Variants in GLIS3 observed in about 807,000 individuals in gnomAD.
GLIS3 encodes zinc finger protein GLIS3.
GLIS3 carries 53 observed loss-of-function variants against 78.6 expected under a neutral mutation model. That is an observed-to-expected ratio of 0.67 (90% confidence interval 0.54 to 0.85). GLIS3 has a LOEUF of 0.85. GLIS3 is among the 40% of genes least tolerant of loss of function. The pLI, the probability that GLIS3 is intolerant of heterozygous loss-of-function variation, is 0.00. For missense variants in GLIS3, 1,703 were observed against 1,231.1 expected, an observed-to-expected ratio of 1.38 and a Z score of -5.74; for synonymous variants, 684 against 509.9, an observed-to-expected ratio of 1.34 and a Z score of -4.60.
intron 2 of GLIS3, among the ~76,000 whole-genome samples, chr9:4,151,303 T>A (rs1834659243): frequency 2.0e-5 from 3 of 152,214 alleles, no homozygotes; most frequent in African/African-American, 7.2e-5. Context: ...TTGTTACATT[T>A]TTAAAAAGAG....
intron 2 of GLIS3, among the ~76,000 whole-genome samples, chr9:4,285,082 G>A (rs560979215): frequency 6.6e-6 from 1 of 152,136 alleles, no homozygotes; most frequent in Non-Finnish European, 1.5e-5. Context: ...TTAACTGAAT[G>A]ACTGGCTATT....
intron 2 of GLIS3, among the ~76,000 whole-genome samples, chr9:4,223,861 A>G (rs751413727): frequency 6.3e-4 from 96 of 152,198 alleles, no homozygotes; most frequent in Non-Finnish European, 1.8e-4. Flanking sequence ...CGGGAATTCT[A>G]CATGTGAAGA....
chr9:4,245,983 G>A (rs781515508), intron 2 of GLIS3, among the ~76,000 whole-genome samples: 7 of 151,916 alleles, frequency 4.6e-5, no homozygotes, highest in Non-Finnish European at 1.0e-4. Flanking sequence ...AGTAATTCTC[G>A]GCTGTGTTTC....
the GLIS3 span, among the ~76,000 whole-genome samples, chr9:4,392,474 C>A: frequency 6.6e-6 from 1 of 152,104 alleles, no homozygotes; most frequent in Non-Finnish European, 1.5e-5. Flanking sequence ...CTAGGTAGAA[C>A]CTGCCTCCTC....
chr9:4,362,788 T>C, the GLIS3 span, among the ~76,000 whole-genome samples: 1 of 152,196 alleles, frequency 6.6e-6, no homozygotes, highest in Non-Finnish European at 1.5e-5. Flanking sequence ...GAGCAAACTC[T>C]GCAGGACCTA....
chr9:4,398,678 T>G, the GLIS3 span, among the ~76,000 whole-genome samples: 118 of 150,798 alleles, frequency 7.8e-4, 1 homozygote, highest in African/African-American at 2.9e-3. Flanking sequence ...TTGCTTAAGC[T>G]CTTTTGTTGT....
At chr9:4,166,368 C>G (rs777945625) in intron 2 of GLIS3, among the ~76,000 whole-genome samples, 1 of 152,202 alleles carries the variant, frequency 6.6e-6, no homozygotes, top group South Asian at 2.1e-4. Flanking sequence ...GGCCAAGAAC[C>G]AGTAAGGACA....
chr9:4,073,196 C>T (rs1196615243), intron 4 of GLIS3, among the ~76,000 whole-genome samples: 3 of 152,234 alleles, frequency 2.0e-5, no homozygotes, highest in East Asian at 3.9e-4. Flanking sequence ...GATACATTCA[C>T]CTGCCACAAT....
chr9:4,205,046 C>A (rs1356916060), intron 2 of GLIS3, among the ~76,000 whole-genome samples: 2 of 149,210 alleles, frequency 1.3e-5, no homozygotes, highest in African/African-American at 5.0e-5. Flanking sequence ...CGTGGTGGTT[C>A]ACACCTGTAA....
the GLIS3 span, among the ~76,000 whole-genome samples, chr9:4,360,548 C>T: frequency 3.3e-5 from 5 of 152,150 alleles, no homozygotes; most frequent in Non-Finnish European, 5.9e-5. Context: ...CGAGGATTAT[C>T]TCATTTATTC....
intron 4 of GLIS3, among the ~76,000 whole-genome samples, chr9:4,033,874 A>AAC (rs1463878160): frequency 2.0e-5 from 3 of 150,134 alleles, no homozygotes; most frequent in Non-Finnish European, 4.4e-5. Flanking sequence ...TAAAAAAAAA[A>AAC]AAAAAAAAAA....
At chr9:4,402,926 C>A in the GLIS3 span, among the ~76,000 whole-genome samples, 1 of 151,950 alleles carries the variant, frequency 6.6e-6, no homozygotes, top group African/African-American at 2.4e-5. Context: ...AGAGAACTTC[C>A]CAAACCTAGA....
At chr9:4,208,977 C>T (rs983404761) in intron 2 of GLIS3, among the ~76,000 whole-genome samples, 8 of 152,192 alleles carry the variant, frequency 5.3e-5, no homozygotes, top group African/African-American at 1.9e-4. Flanking sequence ...TCATAAAGCA[C>T]TCTTGAGAAC....
the GLIS3 span, among the ~76,000 whole-genome samples, chr9:4,411,727 A>G: frequency 1.3e-5 from 2 of 152,204 alleles, no homozygotes; most frequent in Admixed American, 1.3e-4. Flanking sequence ...TCATGCTCCC[A>G]AAGAAATAAC....
the GLIS3 span, among the ~76,000 whole-genome samples, chr9:4,368,141 C>G: frequency 1.3e-5 from 2 of 152,288 alleles, no homozygotes; most frequent in Admixed American, 6.5e-5. Context: ...CCTAAAATCA[C>G]TTATATCAGC....
chr9:4,450,370 G>C, the GLIS3 span, among the ~76,000 whole-genome samples: 2 of 152,218 alleles, frequency 1.3e-5, no homozygotes, highest in Non-Finnish European at 2.9e-5. Flanking sequence ...ATCTACGTTT[G>C]ATTGGTGTAC....
chr9:4,291,020 C>T (rs1364663071), intron 1 of GLIS3, among the ~76,000 whole-genome samples: 3 of 151,950 alleles, frequency 2.0e-5, no homozygotes, highest in East Asian at 1.9e-4. Context: ...AATTTGCAAC[C>T]GAAGTTACAC....
chr9:4,154,737 A>C (rs1291216290), intron 2 of GLIS3, among the ~76,000 whole-genome samples: 2 of 152,164 alleles, frequency 1.3e-5, no homozygotes, highest in Non-Finnish European at 2.9e-5. Context: ...ATGTTATATA[A>C]ACCTTTGGGG....
At chr9:4,122,613 G>A (rs1192310110) in intron 3 of GLIS3, among the ~76,000 whole-genome samples, 1 of 152,180 alleles carries the variant, frequency 6.6e-6, no homozygotes, top group East Asian at 1.9e-4. Flanking sequence ...CTGTGTCCTG[G>A]TTCCATCGGG....
Sources: allele counts gnomAD v4.1 joint callset (sites outside exome capture counted in the v4.1 genomes callset), GRCh38; gene constraint gnomAD v4.1.1; transcripts MANE v1.5; gene names NCBI Gene and HGNC (gene_info 2026-07-23, HGNC 2026-07-21).